Variants in UBE2H observed in about 807,000 individuals in gnomAD.
UBE2H encodes the protein ubiquitin conjugating enzyme E2 H.
A neutral mutation model predicts 29.0 loss-of-function variants in UBE2H; 3 were observed. The ratio of observed to expected loss-of-function variants is 0.10; its 90% CI spans 0.05 to 0.27. The LOEUF is 0.27. UBE2H is among the 10% of genes least tolerant of loss of function. UBE2H has a pLI of 1.00. For missense variants in UBE2H, 68 were observed against 228.2 expected, an observed-to-expected ratio of 0.30 and a Z score of 4.52; for synonymous variants, 69 against 82.9, an observed-to-expected ratio of 0.83 and a Z score of 0.91.
rs187114599 is a variant in UBE2H at position 129,913,115 on chromosome 7, G to A, written c.54-32144C>T. ...AAAATACAAAAAATTAGCTGGGCAC[G>A]GTGGCGGGTGCCTGTAATCCCAGCT... On this transcript the variant is annotated intron_variant, in intron 1 of 6. Coordinates refer to ENST00000355621, the MANE Select transcript of UBE2H (RefSeq NM_003344.4). Among the ~76,000 whole-genome samples, 363 of 152,036 alleles carry A rather than the reference G, an allele frequency of 2.4e-3. 3 individuals carry two copies. The highest frequency in any genetic ancestry group is 8.7e-3 in the South Asian group (42 of 4,808).
At chr7:129,894,146 T>C (rs1806554301) in intron 1 of UBE2H, among the ~76,000 whole-genome samples, 1 of 151,676 alleles carries the variant, frequency 6.6e-6, no homozygotes, top group Non-Finnish European at 1.5e-5. Flanking sequence ...AGAGACTCTG[T>C]CTCAAAAAAA....
chr7:129,919,874 T>A (rs1313879252), intron 1 of UBE2H, among the ~76,000 whole-genome samples: 1 of 152,196 alleles, frequency 6.6e-6, no homozygotes, highest in Non-Finnish European at 1.5e-5. Context: ...TTCACATCCA[T>A]CAGATAGGCA....
chr7:129,860,151 A>T (rs1805773933), intron 3 of UBE2H, among the ~76,000 whole-genome samples: 2 of 152,160 alleles, frequency 1.3e-5, no homozygotes, highest in Non-Finnish European at 2.9e-5. Context: ...GTCTCCAAAA[A>T]CCTGAGAAAC....
chr7:129,850,827 G>A (rs56094908), intron 5 of UBE2H, among the ~76,000 whole-genome samples: 9,177 of 144,158 alleles, frequency 0.064, 353 homozygotes, highest in Non-Finnish European at 0.093. Context: ...AAAAGAAAGA[G>A]AGAGAGAGAG....
In UBE2H at chr7:129,871,101, A is replaced by G. The variant is rs149829035; in HGVS notation, c.205+8467T>C. Among the ~76,000 whole-genome samples the G allele has an allele frequency of 2.2e-3, 342 of 152,330 alleles. 4 individuals are homozygous for G. The highest frequency in any genetic ancestry group is 0.02 in the East Asian group (102 of 5,194). ...TGCATAAAGCTATCAGAAGTTTTAAATTTTGCTTTATCTTCGCACTCCAAA... is the reference window on the plus strand; with the variant it reads ...TGCATAAAGCTATCAGAAGTTTTAAGTTTTGCTTTATCTTCGCACTCCAAA... On this transcript the variant is annotated intron_variant, in intron 3 of 6. Coordinates refer to ENST00000355621, the MANE Select transcript of UBE2H (RefSeq NM_003344.4).
At chr7:129,885,980 G>C (rs926643118) in intron 1 of UBE2H, among the ~76,000 whole-genome samples, 2 of 152,162 alleles carry the variant, frequency 1.3e-5, no homozygotes, top group Non-Finnish European at 2.9e-5. Context: ...CACTAAGAAG[G>C]CAGGTTAAAA....
chr7:129,890,178 T>C (rs75394059), intron 1 of UBE2H, among the ~76,000 whole-genome samples: 9,526 of 151,912 alleles, frequency 0.063, 368 homozygotes, highest in Non-Finnish European at 0.092. Context: ...ATGAATGAAG[T>C]TGCCAGTCTG....
Position 129,944,740 on chromosome 7 carries a change from A to G in UBE2H, c.53+7763T>C, listed in dbSNP as rs1486264750. 2.7e-4 allele frequency among the ~76,000 whole-genome samples: 38 copies of G among 142,692 alleles called. 1 individual carries two copies. Among genetic ancestry groups the G allele is most frequent in the African/African-American group, 8.7e-4 (34 of 38,964 alleles). The allele number at this position is 142,692 out of a possible 152,430, so 93.6% of individuals were successfully genotyped here. A position where few individuals can be genotyped will look rare whatever the true frequency, so the allele number is the denominator to read the frequency against. Reference sequence around the variant, plus strand: ...AACACACACACACACACACACACACACACACACACACGCACGCACGCACGC... The same window carrying G: ...AACACACACACACACACACACACACGCACACACACACGCACGCACGCACGC... On this transcript the variant is annotated intron_variant, in intron 1 of 6. Coordinates refer to ENST00000355621, the MANE Select transcript of UBE2H (RefSeq NM_003344.4).
intron 1 of UBE2H, among the ~76,000 whole-genome samples, chr7:129,921,113 C>T (rs1043388663): frequency 6.6e-6 from 1 of 152,030 alleles, no homozygotes; most frequent in Non-Finnish European, 1.5e-5. Context: ...CTAACCACTA[C>T]TACACAATTT....
At chr7:129,844,297 C>T (rs995520052) in intron 5 of UBE2H, among the ~76,000 whole-genome samples, 1 of 152,222 alleles carries the variant, frequency 6.6e-6, no homozygotes, top group African/African-American at 2.4e-5. Flanking sequence ...GTGGCTAACA[C>T]AGTGATTACT....
chr7:129,911,763 G>A (rs1321237177), intron 1 of UBE2H, among the ~76,000 whole-genome samples: 2 of 151,894 alleles, frequency 1.3e-5, no homozygotes, highest in East Asian at 1.9e-4. Context: ...TCAGCCTCCC[G>A]AGTAGCTATG....
chr7:129,949,690 A>C lies in UBE2H; in HGVS notation c.53+2813T>G, dbSNP rs554894294. On this transcript the variant is annotated intron_variant, in intron 1 of 6. Coordinates refer to ENST00000355621, the MANE Select transcript of UBE2H (RefSeq NM_003344.4). ...ACAACAACCAGAGACGGTGTCTCCA[A>C]AAGAACCGAGCGAGGTGGTGGAAGG... Among the ~76,000 whole-genome samples the C allele has an allele frequency of 2.6e-5, 4 of 152,326 alleles. No homozygotes were observed. In the East Asian group the frequency reaches 7.7e-4, roughly 29 times the overall value.
At chr7:129,849,264 T>TA (rs1242134602) in intron 5 of UBE2H, among the ~76,000 whole-genome samples, 2 of 152,174 alleles carry the variant, frequency 1.3e-5, no homozygotes, top group Non-Finnish European at 2.9e-5. Flanking sequence ...GTTTTGAGAT[T>TA]AAAAGTAATA....
chr7:129,886,621 G>A (rs77229021), intron 1 of UBE2H, among the ~76,000 whole-genome samples: 2,724 of 152,066 alleles, frequency 0.018, 94 homozygotes, highest in African/African-American at 0.062. Context: ...CTGGCATAAA[G>A]AACGCGCTTC....
At chr7:129,872,538 T>TA (rs1327237666) in intron 3 of UBE2H, among the ~76,000 whole-genome samples, 3 of 151,538 alleles carry the variant, frequency 2.0e-5, no homozygotes, top group Non-Finnish European at 2.9e-5. Flanking sequence ...CTTGCATGAG[T>TA]AAAAAAATAT....
intron 1 of UBE2H, among the ~76,000 whole-genome samples, chr7:129,889,873 C>CT (rs1806437697): frequency 1.3e-5 from 2 of 152,206 alleles, no homozygotes; most frequent in South Asian, 4.2e-4. Flanking sequence ...GCTTATACTC[C>CT]TAGCTAATCG....
chr7:129,945,615 C>T (rs1396482966), intron 1 of UBE2H, among the ~76,000 whole-genome samples: 1 of 152,044 alleles, frequency 6.6e-6, no homozygotes, highest in African/African-American at 2.4e-5. Flanking sequence ...AATCCCATTT[C>T]GGGAAAACAG....
At chr7:129,909,381 C>T (rs867106732) in intron 1 of UBE2H, among the ~76,000 whole-genome samples, 1 of 152,038 alleles carries the variant, frequency 6.6e-6, no homozygotes, top group Non-Finnish European at 1.5e-5. Flanking sequence ...GAATTTCTGA[C>T]CTACACCTCA....
intron 1 of UBE2H, among the ~76,000 whole-genome samples, chr7:129,934,977 GTGTGTGTATATA>G (rs1807495331): frequency 6.6e-6 from 1 of 150,640 alleles, no homozygotes; most frequent in Non-Finnish European, 1.5e-5. Context: ...GTGTATATAT[GTGTGTGTATATA>G]TATGTGTGTG....
Sources: allele counts gnomAD v4.1 joint callset (sites outside exome capture counted in the v4.1 genomes callset), GRCh38; gene constraint gnomAD v4.1.1; transcripts MANE v1.5; gene names NCBI Gene and HGNC (gene_info 2026-07-23, HGNC 2026-07-21).